SMAD9: variants seen among roughly 807,000 people sequenced by gnomAD.
SMAD9 encodes SMAD family member 9.
A neutral mutation model predicts 46.1 loss-of-function variants in SMAD9; 36 were observed. The observed-to-expected ratio is 0.78, with a 90% CI of 0.60 to 1.03. SMAD9 has a LOEUF of 1.03. Among genes scored for constraint, SMAD9 ranks in the 50% least tolerant of loss-of-function variants. The pLI is 0.00. For missense variants in SMAD9, 572 were observed against 599.8 expected, an observed-to-expected ratio of 0.95 and a Z score of 0.48; for synonymous variants, 245 against 237.1, an observed-to-expected ratio of 1.03 and a Z score of -0.31.
chr13:36,883,032 A>G (rs2058416999), intron 1 of SMAD9, among the ~76,000 whole-genome samples: 1 of 152,074 alleles, frequency 6.6e-6, no homozygotes, highest in Non-Finnish European at 1.5e-5. Flanking sequence ...TCTCATTCCT[A>G]TAATGTTTTA....
intron 1 of SMAD9, among the ~76,000 whole-genome samples, chr13:36,884,478 T>C (rs2058428737): frequency 6.6e-6 from 1 of 152,182 alleles, no homozygotes; most frequent in Non-Finnish European, 1.5e-5. Flanking sequence ...GGCATTGAGT[T>C]TTACAATAAA....
At chr13:36,851,785 G>T (rs1294559887) in intron 6 of SMAD9, 3 of 966,958 alleles carry the variant, frequency 3.1e-6, no homozygotes, top group Non-Finnish European at 3.7e-6. Context: ...AGTTCCTGCA[G>T]TATTAGGAAC....
chr13:36,886,796 G>A (rs2058448736), intron 1 of SMAD9, among the ~76,000 whole-genome samples: 1 of 152,224 alleles, frequency 6.6e-6, no homozygotes, highest in Admixed American at 6.5e-5. Flanking sequence ...GGACGAGAAA[G>A]TGCGGCCACT....
chr13:36,905,705 T>G (rs552508361), intron 1 of SMAD9, among the ~76,000 whole-genome samples: 25 of 138,346 alleles, frequency 1.8e-4, no homozygotes, highest in African/African-American at 5.7e-4. Context: ...GGCTGGGGAG[T>G]TCGAGACTCC....
rs2058045856 is a variant in SMAD9, at chr13:36,847,741, G to A, written c.*935C>T. 1 of 152,222 alleles carries A rather than the reference G, an allele frequency of 6.6e-6. No individual in the cohort carries two copies. The highest frequency in any genetic ancestry group is 2.1e-4 in the South Asian group (1 of 4,836). The allele number at this position is 152,222 out of a possible 1,614,324, so 9.4% of individuals were successfully genotyped here. On this transcript the variant is annotated 3_prime_UTR_variant, in exon 7 of 7. Transcript: ENST00000379826. The stretch of plus-strand genomic sequence containing the variant: ...GAACGTGGGAAATGAGAAAGTGTAA[G>A]TCGACGTGTGATGCTTTTCTCCAAC...
At chr13:36,853,360 T>G in intron 6 of SMAD9, 59 bp downstream of exon 6, 2 of 1,563,674 alleles carry the variant, frequency 1.3e-6, no homozygotes, top group South Asian at 2.2e-5. Flanking sequence ...TCAGTCAGGG[T>G]GCTTTTTTGT....
Position 36,917,760 on chromosome 13 carries a change from C to G in SMAD9, c.-187+2356G>C, listed in dbSNP as rs145015739. Among the ~76,000 whole-genome samples the G allele has an allele frequency of 2.0e-3, 301 of 152,278 alleles. 2 individuals are homozygous for G. Among genetic ancestry groups the G allele is most frequent in the African/African-American group, 6.6e-3 (273 of 41,556 alleles). On this transcript the variant is annotated intron_variant, in intron 1 of 6. Transcript: ENST00000379826. ...AAGCAGAACATGATGAAACTGCTGT[C>G]CTATTTATTACAGAGGGAATGTCAG...
At chr13:36,874,563 CAT>C (rs1197204347) in intron 2 of SMAD9, among the ~76,000 whole-genome samples, 1 of 151,966 alleles carries the variant, frequency 6.6e-6, no homozygotes, top group East Asian at 1.9e-4. Context: ...AAGATGAAAA[CAT>C]AAGTGAGTGA....
chr13:36,884,636 A>T lies in SMAD9; in HGVS notation c.-186-4761T>A, dbSNP rs150159267. Among the ~76,000 whole-genome samples, 578 of 152,340 alleles carry T rather than the reference A, an allele frequency of 3.8e-3. 11 individuals carry two copies. Among genetic ancestry groups the T allele is most frequent in the Admixed American group, 0.017 (261 of 15,292 alleles). On this transcript the variant is annotated intron_variant, in intron 1 of 6. Coordinates refer to ENST00000379826, the MANE Select transcript of SMAD9 (RefSeq NM_001127217.3). ...TAAAAAACAATTTACCCGGCTGGGT[A>T]ACAGTACAGGAGACATAAGCTTTTT...
chr13:36,900,584 C>T (rs1265793161), intron 1 of SMAD9, among the ~76,000 whole-genome samples: 1 of 151,614 alleles, frequency 6.6e-6, no homozygotes, highest in Non-Finnish European at 1.5e-5. Flanking sequence ...GGCCGACTAT[C>T]TTATTTTAAA....
chr13:36,887,964 T>G (rs2058461012), intron 1 of SMAD9, among the ~76,000 whole-genome samples: 1 of 151,858 alleles, frequency 6.6e-6, no homozygotes, highest in African/African-American at 2.4e-5. Context: ...GAAGCAGAGG[T>G]GTGTTCTGCA....
chr13:36,902,980 A>T (rs1313241618), intron 1 of SMAD9, among the ~76,000 whole-genome samples: 1 of 152,200 alleles, frequency 6.6e-6, no homozygotes, highest in Non-Finnish European at 1.5e-5. Context: ...AGCTGAAATA[A>T]GCGTGAGGAT....
At chr13:36,881,918 G>C (rs958882573) in intron 1 of SMAD9, among the ~76,000 whole-genome samples, 1 of 152,086 alleles carries the variant, frequency 6.6e-6, no homozygotes, top group Non-Finnish European at 1.5e-5. Context: ...AGTAAGTTGT[G>C]GTATAGATCT....
chr13:36,877,103 C>A (rs1012668320), intron 2 of SMAD9, among the ~76,000 whole-genome samples: 2 of 152,124 alleles, frequency 1.3e-5, no homozygotes, highest in Non-Finnish European at 2.9e-5. Context: ...GTGGCTCATG[C>A]CTGTAATCCC....
rs1263496043 is a variant in SMAD9, at chr13:36,851,793, A to G, written c.1260+1626T>C. On this transcript the variant is annotated intron_variant, in intron 6 of 6. Transcript: ENST00000379826. ...TTTTAAAAGTTCCTGCAGTATTAGG[A>G]ACAGTTTGTCTTCTGTGTCAATTGT... The G allele has an allele frequency of 4.1e-6, 4 of 977,010 alleles. No homozygotes were observed. In the African/African-American group the frequency reaches 7.0e-5, roughly 17 times the overall value. The allele number at this position is 977,010 out of a possible 1,614,324, so 60.5% of individuals were successfully genotyped here.
chr13:36,911,445 A>G (rs2058660215), intron 1 of SMAD9, among the ~76,000 whole-genome samples: 1 of 152,172 alleles, frequency 6.6e-6, no homozygotes, highest in East Asian at 1.9e-4. Flanking sequence ...TGCATAGTCT[A>G]TCTACTTAAG....
intron 5 of SMAD9, 99 bp downstream of exon 5, chr13:36,865,438 G>A: frequency 1.0e-6 from 1 of 959,210 alleles, no homozygotes; most frequent in Non-Finnish European, 1.7e-6. Flanking sequence ...TTCCACAGGG[G>A]CACATGACCA....
chr13:36,853,826 G>T (rs1762095085), intron 5 of SMAD9, 151 bp from the exon 6 acceptor site: 2 of 820,922 alleles, frequency 2.4e-6, no homozygotes, highest in African/African-American at 1.7e-5. Flanking sequence ...ATGCCGCTTA[G>T]TTTAATGATA....
At chr13:36,877,349 A>G (rs1263428087) in intron 2 of SMAD9, among the ~76,000 whole-genome samples, 1 of 152,206 alleles carries the variant, frequency 6.6e-6, no homozygotes, top group Non-Finnish European at 1.5e-5. Context: ...CAACAGAGCA[A>G]GACAAAAAAA....
Sources: gnomAD v4.1 joint callset for allele counts (sites outside exome capture counted in the v4.1 genomes callset) on GRCh38, gnomAD v4.1.1 for gene constraint, MANE v1.5 for transcripts, NCBI Gene and HGNC (gene_info 2026-07-23, HGNC 2026-07-21) for gene names.